The following POLR3B variants were observed in gnomAD, a reference collection of about 807,000 sequenced individuals.
POLR3B encodes the protein DNA-directed RNA polymerase III subunit RPC2.
Under a neutral mutation model 147.4 loss-of-function variants are expected in POLR3B, and 96 were observed. The ratio of observed to expected loss-of-function variants is 0.65; its 90% CI spans 0.55 to 0.77. POLR3B has a LOEUF of 0.77. POLR3B is among the 30% of genes least tolerant of loss of function. The pLI, the probability that POLR3B is intolerant of heterozygous loss-of-function variation, is 0.00. For missense variants in POLR3B, 1,036 were observed against 1,413.5 expected (o/e 0.73, Z 4.28); for synonymous variants, 461 against 485.9 (o/e 0.95, Z 0.67).
intron 9 of POLR3B, among the ~76,000 whole-genome samples, chr12:106,391,347 G>A (rs1045119275): frequency 3.3e-5 from 5 of 152,118 alleles, no homozygotes; most frequent in African/African-American, 7.2e-5. Flanking sequence ...GTCATCATAC[G>A]TGCCACCTTC....
At position 106,460,691 on chromosome 12, in the gene POLR3B, CT is replaced by C. The variant is rs564658775; in HGVS notation, c.2570+1328del. 9.6e-4 allele frequency among the ~76,000 whole-genome samples: 146 copies of C among 152,302 alleles called. 1 individual carries two copies. Among genetic ancestry groups the C allele is most frequent in the African/African-American group, 3.3e-3 (139 of 41,562 alleles). On this transcript the variant is annotated intron_variant, in intron 22 of 27. Transcript: ENST00000228347. ...CTTCCCGTCTTGAAGGAGGATATCT[CT>C]TTTTCTGTGCGAAGTTCATCTCTCC...
intron 11 of POLR3B, among the ~76,000 whole-genome samples, chr12:106,407,418 C>T (rs903270577): frequency 2.0e-5 from 3 of 152,070 alleles, no homozygotes; most frequent in African/African-American, 7.2e-5. Flanking sequence ...TTCCACAGCT[C>T]CCCATGTAGT....
intron 10 of POLR3B, among the ~76,000 whole-genome samples, chr12:106,405,107 A>G (rs2037132493): frequency 2.0e-5 from 3 of 152,152 alleles, no homozygotes; most frequent in African/African-American, 7.2e-5. Context: ...TTGTGCCAGT[A>G]TCACACTGTT....
rs143443936 is a variant in POLR3B at position 106,455,847 on chromosome 12, C to T, written c.2293+1136C>T. Reference sequence around the variant, plus strand: ...TAAAGACACAAATGTCTTCATCTGACGTCCAATTTTAGAAATTCGTTACTT... The same window carrying T: ...TAAAGACACAAATGTCTTCATCTGATGTCCAATTTTAGAAATTCGTTACTT... On this transcript the variant is annotated intron_variant, in intron 20 of 27. Transcript: ENST00000228347. Among the ~76,000 whole-genome samples the T allele has an allele frequency of 6.6e-5, 10 of 152,242 alleles. No homozygotes were observed. The East Asian group carries it at 7.7e-4, about 12-fold the overall frequency.
At chr12:106,366,799 ACT>A (rs2036542269) in intron 4 of POLR3B, 77 bp downstream of exon 4, 1 of 1,180,482 alleles carries the variant, frequency 8.5e-7, no homozygotes, top group African/African-American at 1.5e-5. Flanking sequence ...TGCTATCAAA[ACT>A]CTTTTAAAAT....
chr12:106,496,521 T>C, intron 24 of POLR3B: 1 of 605,106 alleles, frequency 1.7e-6, no homozygotes, highest in African/African-American at 1.8e-5. Flanking sequence ...AAGTTGCTTA[T>C]CCTTCCCATA....
In POLR3B at chr12:106,463,613, G is replaced by A. The variant is rs1323467793; in HGVS notation, c.2706G>A (p.Gly902=). 8 of 1,612,042 alleles carry A rather than the reference G, an allele frequency of 5.0e-6. No homozygotes were observed. The highest frequency in any genetic ancestry group is 6.8e-6 in the Non-Finnish European group (8 of 1,178,446). The part of the protein sequence containing the change: ...EIGDKFSSRH[G]QKGVCGLIVP... ...GAGACAAATTCAGCAGTCGTCATGG[G>A]CAAAAAGGTAAACTGTATCATTTCT... The change falls in exon 23 of 28, where the codon GGG becomes GGA. Residue 902 remains glycine, a synonymous_variant. Transcript: ENST00000228347.
chr12:106,358,168 G>T (rs2036416268), intron 1 of POLR3B: 3 of 1,439,556 alleles, frequency 2.1e-6, no homozygotes, highest in Non-Finnish European at 2.7e-6. Context: ...GTCAGCCGCT[G>T]CGGGGGCCGA....
chr12:106,461,556 CA>C (rs1253475147), intron 22 of POLR3B, among the ~76,000 whole-genome samples: 69 of 152,166 alleles, frequency 4.5e-4, no homozygotes, highest in African/African-American at 1.6e-3. Context: ...CTTGCCAAAT[CA>C]GACAGACTCT....
chr12:106,411,159 A>G (rs922712391), intron 12 of POLR3B, among the ~76,000 whole-genome samples, 199 bp downstream of exon 12: 8 of 151,926 alleles, frequency 5.3e-5, no homozygotes, highest in African/African-American at 1.9e-4. Context: ...TTCTTTTGAG[A>G]CGGAGTTTTG....
At chr12:106,452,759 C>T (rs2037813368) in intron 19 of POLR3B, among the ~76,000 whole-genome samples, 1 of 152,126 alleles carries the variant, frequency 6.6e-6, no homozygotes, top group African/African-American at 2.4e-5. Context: ...AATCAATTGG[C>T]AATTTATAGT....
intron 23 of POLR3B, among the ~76,000 whole-genome samples, chr12:106,477,089 C>G (rs1274554988): frequency 6.9e-6 from 1 of 144,432 alleles, no homozygotes; most frequent in Non-Finnish European, 1.5e-5. Context: ...TTCTAACAGA[C>G]AGGACCCTCA....
At chr12:106,475,916 T>G in intron 23 of POLR3B, among the ~76,000 whole-genome samples, 1 of 151,658 alleles carries the variant, frequency 6.6e-6, no homozygotes, top group South Asian at 2.1e-4. Context: ...ATTATGATGT[T>G]AGCTGGTTAT....
At chr12:106,465,469 C>CTT (rs11429763) in intron 23 of POLR3B, among the ~76,000 whole-genome samples, 28 of 151,694 alleles carry the variant, frequency 1.8e-4, no homozygotes, top group Non-Finnish European at 2.7e-4. Context: ...TTCCACTAAA[C>CTT]TTTTTTTTTG....
In POLR3B at chr12:106,497,034, T is replaced by TGGGCGGCATGTGGCCCA. The variant is rs558966243; in HGVS notation, c.2984+119_2984+135dup. On this transcript the variant is annotated intron_variant, in intron 25 of 27. Transcript: ENST00000228347. The stretch of plus-strand genomic sequence containing the variant: ...CCTTCAGGCAAGCTTGTACAGCCCG[T>TGGGCGGCATGTGGCCCA]GGGCGGCATGTGGCCCAGGACGGCT... The TGGGCGGCATGTGGCCCA allele has an allele frequency of 2.5e-4, 258 of 1,021,990 alleles. 1 individual carries two copies. In the African/African-American group the frequency reaches 3.5e-3, roughly 14 times the overall value. The allele number at this position is 1,021,990 out of a possible 1,614,324, so 63.3% of individuals were successfully genotyped here.
intron 23 of POLR3B, among the ~76,000 whole-genome samples, chr12:106,493,338 T>C (rs937596722): frequency 6.6e-6 from 1 of 152,154 alleles, no homozygotes; most frequent in African/African-American, 2.4e-5. Context: ...CATTTGAAAA[T>C]AAGAAAAGAA....
Position 106,504,029 on chromosome 12 carries a change from T to C in POLR3B, c.3099-52T>C. The C allele has an allele frequency of 6.5e-7, 1 of 1,548,094 alleles. No individual in the cohort carries two copies. Among genetic ancestry groups the C allele is most frequent in the Admixed American group, 1.7e-5 (1 of 59,936 alleles). ...CTCTGCCAGCATGTGATGCTACCTC[T>C]TTGTTTGTTTAACAGAATAATAACA... On this transcript the variant is annotated intron_variant, in intron 26 of 27. Transcript: ENST00000228347. The surrounding 1 kb of genome is among the most constrained non-coding windows in gnomAD (Gnocchi z 4.6).
chr12:106,414,631 A>G (rs1351325163), intron 12 of POLR3B, among the ~76,000 whole-genome samples: 1 of 152,056 alleles, frequency 6.6e-6, no homozygotes, highest in South Asian at 2.1e-4. Context: ...ACTCCCTACC[A>G]TGGCTTCACC....
At chr12:106,495,950 T>C in intron 23 of POLR3B, 105 bp from the exon 24 acceptor site, 1 of 794,650 alleles carries the variant, frequency 1.3e-6, no homozygotes, top group Non-Finnish European at 2.3e-6. Context: ...GGGAAGATTT[T>C]AGAGCAGTGG....
Sources: gnomAD v4.1 joint callset for allele counts (sites outside exome capture counted in the v4.1 genomes callset) on GRCh38, gnomAD v4.1.1 for gene constraint, Gnocchi (gnomAD v3.1) non-coding constraint, MANE v1.5 for transcripts, NCBI Gene and HGNC (gene_info 2026-07-23, HGNC 2026-07-21) for gene names.